Variants in PRRC2B observed in about 807,000 individuals in gnomAD.
PRRC2B encodes protein PRRC2B.
In PRRC2B, 68 loss-of-function variants were observed where a neutral mutation model predicts 242.3. The ratio of observed to expected loss-of-function variants is 0.28; its 90% CI spans 0.23 to 0.34. The LOEUF is 0.34. PRRC2B is among the 10% of genes least tolerant of loss of function. PRRC2B has a pLI of 1.00. For synonymous variants in PRRC2B, 1,228 were observed against 1,173.6 expected, an observed-to-expected ratio of 1.05 and a Z score of -0.95; for missense variants, 2,835 against 2,954.8, an observed-to-expected ratio of 0.96 and a Z score of 0.94.
chr9:131,494,059 A>G lies in PRRC2B; in HGVS notation c.6474-346A>G, dbSNP rs1032469965. Among the ~76,000 whole-genome samples, 1 of 152,194 alleles carries G rather than the reference A, an allele frequency of 6.6e-6. No individual in the cohort carries two copies. Among genetic ancestry groups the G allele is most frequent in the African/African-American group, 2.4e-5 (1 of 41,450 alleles). On this transcript the variant is annotated intron_variant, in intron 30 of 31. Transcript: ENST00000683519. The surrounding 1 kb of genome is among the most constrained non-coding windows in gnomAD (Gnocchi z 4.3). The stretch of plus-strand genomic sequence containing the variant: ...CTAGGCCTTTTGTCTGGGGCACTGC[A>G]TCGTGTTGGTCCAGACCCTGAGACG...
At chr9:131,376,045 TC>T (rs1836679690) in intron 1 of PRRC2B, among the ~76,000 whole-genome samples, 1 of 63,748 alleles carries the variant, frequency 1.6e-5, no homozygotes. Flanking sequence ...TGAGACTGTC[TC>T]AAAAAAAAAA....
chr9:131,409,089 C>G (rs561859264), intron 1 of PRRC2B, among the ~76,000 whole-genome samples: 13 of 150,306 alleles, frequency 8.6e-5, no homozygotes, highest in Non-Finnish European at 1.9e-4. Flanking sequence ...ATGGCGCGAT[C>G]TTGTCTCACT....
intron 1 of PRRC2B, among the ~76,000 whole-genome samples, chr9:131,375,094 T>A (rs931436624): frequency 2.0e-4 from 31 of 152,292 alleles, no homozygotes; most frequent in African/African-American, 7.5e-4. Context: ...CTCTGTGCAA[T>A]TTCCTCATCT....
At chr9:131,448,591 T>A (rs1296248714) in intron 9 of PRRC2B, among the ~76,000 whole-genome samples, 3 of 116,132 alleles carry the variant, frequency 2.6e-5, no homozygotes, top group South Asian at 3.3e-4. Flanking sequence ...AGAGTCTGGC[T>A]GTGTTTCCCA....
intron 9 of PRRC2B, 71 bp downstream of exon 9, chr9:131,447,875 C>T: frequency 6.9e-7 from 1 of 1,459,684 alleles, no homozygotes; most frequent in Non-Finnish European, 9.3e-7. Flanking sequence ...GGGATGGAAA[C>T]CCCCTGGCAC....
chr9:131,440,498 T>C (rs906286318), intron 5 of PRRC2B, among the ~76,000 whole-genome samples: 1 of 152,170 alleles, frequency 6.6e-6, no homozygotes, highest in African/African-American at 2.4e-5. Context: ...CCAACTCCTA[T>C]GGAAGCCAGT....
intron 1 of PRRC2B, among the ~76,000 whole-genome samples, chr9:131,425,960 G>A (rs1588243804): frequency 6.6e-6 from 1 of 151,600 alleles, no homozygotes; most frequent in Non-Finnish European, 1.5e-5. Flanking sequence ...AGTGAGCCGA[G>A]ATCATGCCAC....
chr9:131,389,912 G>GTTTTT (rs1229622613), upstream of PRRC2B, among the ~76,000 whole-genome samples: 2 of 136,444 alleles, frequency 1.5e-5, no homozygotes, highest in Non-Finnish European at 1.6e-5. Context: ...TCGGAACATG[G>GTTTTT]TTGTTTTTTT....
At chr9:131,430,551 GTGTGTGTGTA>G (rs1407454170) in intron 2 of PRRC2B, among the ~76,000 whole-genome samples, 1 of 96,812 alleles carries the variant, frequency 1.0e-5, no homozygotes, top group Admixed American at 1.2e-4. Flanking sequence ...ATATCTATAG[GTGTGTGTGTA>G]TGTGTGTGTG....
At chr9:131,467,464 G>T in intron 12 of PRRC2B, 99 bp from the exon 13 acceptor site, 2 of 1,054,750 alleles carry the variant, frequency 1.9e-6, no homozygotes, top group East Asian at 2.6e-5. Context: ...TAGCAGTGGA[G>T]CGTACGGGCC....
intron 1 of PRRC2B, among the ~76,000 whole-genome samples, chr9:131,395,873 G>A (rs1053612418): frequency 3.9e-5 from 6 of 152,162 alleles, no homozygotes; most frequent in African/African-American, 1.4e-4. Context: ...TTTAAGGCAG[G>A]GTTAGAACAG....
chr9:131,467,473 C>T, intron 12 of PRRC2B, 90 bp from the exon 13 acceptor site: 2 of 1,172,406 alleles, frequency 1.7e-6, no homozygotes. Context: ...AGCGTACGGG[C>T]CAACAGGAAG....
chr9:131,447,054 G>A, intron 7 of PRRC2B, 31 bp from the exon 8 acceptor site: 1 of 1,613,546 alleles, frequency 6.2e-7, no homozygotes, highest in Non-Finnish European at 8.5e-7. Context: ...GCCATTACCA[G>A]CAAATCCTGT....
rs181118402 is a variant in PRRC2B, at chr9:131,428,376, A to G, written c.-51-1718A>G. On this transcript the variant is annotated intron_variant, in intron 1 of 31. Coordinates refer to ENST00000683519, the MANE Select transcript of PRRC2B (RefSeq NM_013318.4). ...CCTGGGGCTACAGGTGCATGCCACC[A>G]TGCCCTGCTAATTATTTTTATTTTT... Among the ~76,000 whole-genome samples the G allele has an allele frequency of 3.7e-3, 556 of 152,122 alleles. 5 individuals are homozygous for G. The highest frequency in any genetic ancestry group is 0.013 in the African/African-American group (545 of 41,502).
chr9:131,390,101 GAC>G (rs1216250061), upstream of PRRC2B, among the ~76,000 whole-genome samples: 4 of 149,636 alleles, frequency 2.7e-5, no homozygotes, highest in African/African-American at 9.7e-5. Context: ...TTTTGGTAGA[GAC>G]AGGGTTTCAC....
At chr9:131,390,116 T>C (rs1032091368), upstream of PRRC2B, among the ~76,000 whole-genome samples, 4 of 149,608 alleles carry the variant, frequency 2.7e-5, no homozygotes, top group African/African-American at 4.9e-5. Context: ...GGTTTCACCG[T>C]GTTGGCCAGG....
chr9:131,420,490 T>TTTCC (rs1190025315), intron 1 of PRRC2B, among the ~76,000 whole-genome samples: 15 of 20,978 alleles, frequency 7.2e-4, no homozygotes, highest in African/African-American at 1.8e-3. Context: ...TCTTTCTTTC[T>TTTCC]TTCTTTTTTT....
At position 131,477,838 on chromosome 9, in the gene PRRC2B, G is replaced by T; in HGVS notation, c.4501G>T (p.Ala1501Ser). 1 of 1,613,762 alleles carries T rather than the reference G, an allele frequency of 6.2e-7. No individual in the cohort carries two copies. The highest frequency in any genetic ancestry group is 8.5e-7 in the Non-Finnish European group (1 of 1,179,792). Residue 1501 changes from alanine to serine, a missense_variant, in exon 17 of 32, where the codon GCT (alanine) becomes TCT (serine). By Grantham distance (99) the Ala-to-Ser change is moderately conservative (BLOSUM62 1). Around this residue, in one of 7 missense-constraint regions of PRRC2B, gnomAD observed 1,536 missense variants for 1,483.1 expected, o/e 1.04. Transcript: ENST00000683519. ...YALERAAHASADLPEASSKKA... is the reference protein window; with the variant it reads ...YALERAAHASSDLPEASSKKA... ...CCTGGAGCGGGCAGCCCATGCCAGT[G>T]CTGACCTTCCCGAAGCCTCCAGTAA...
In PRRC2B at chr9:131,446,992, C is replaced by T. The variant is rs935331451; in HGVS notation, c.856-93C>T. ...CCATGACTTTCCTGTTTCTTTTTCC[C>T]ATTTTCCACTTTATAAAACACATTC... On this transcript the variant is annotated intron_variant, in intron 7 of 31. Transcript: ENST00000683519. This position sits in a 1 kb window ranked among gnomAD's most constrained non-coding sequence, Gnocchi z 4.1. 12 of 1,517,568 alleles carry T rather than the reference C, an allele frequency of 7.9e-6. No homozygotes were observed. The Admixed American group carries it at 2.0e-4, about 25-fold the overall frequency. 94.0% of individuals were successfully genotyped at this position (1,517,568 alleles called of 1,614,324 possible). A position where few individuals can be genotyped will look rare whatever the true frequency, so the allele number is the denominator to read the frequency against.
Sources: allele counts gnomAD v4.1 joint callset (sites outside exome capture counted in the v4.1 genomes callset), GRCh38; gene constraint gnomAD v4.1.1; regional missense constraint gnomAD v4.1.1; non-coding constraint Gnocchi (gnomAD v3.1); transcripts MANE v1.5; gene names NCBI Gene and HGNC (gene_info 2026-07-23, HGNC 2026-07-21).